Variants in C8orf88 observed in about 807,000 individuals in gnomAD.
C8orf88 encodes chromosome 8 open reading frame 88.
A neutral mutation model predicts 18.4 loss-of-function variants in C8orf88; 14 were observed. The observed-to-expected ratio is 0.76, with a 90% confidence interval of 0.50 to 1.19. The LOEUF is 1.19. Among genes scored for constraint, C8orf88 ranks in the 50% most tolerant of loss-of-function variants. C8orf88 has a pLI of 0.00. For missense variants in C8orf88, 116 were observed against 134.7 expected (o/e 0.86, Z 0.69); for synonymous variants, 45 against 42.9 (o/e 1.05, Z -0.19).
intron 4 of C8orf88, among the ~76,000 whole-genome samples, chr8:90,969,056 G>T (rs1811246472): frequency 6.6e-6 from 1 of 151,626 alleles, no homozygotes; most frequent in South Asian, 2.1e-4. Flanking sequence ...AAAACAATTT[G>T]GCAGTTCCTT....
chr8:90,975,178 C>T (rs1811329768), intron 3 of C8orf88, among the ~76,000 whole-genome samples: 1 of 152,176 alleles, frequency 6.6e-6, no homozygotes, highest in East Asian at 1.9e-4. Flanking sequence ...TAGAAAATGA[C>T]AAGCTCACTT....
At chr8:90,983,989 C>A (rs1811470730) in intron 1 of C8orf88, among the ~76,000 whole-genome samples, 1 of 152,050 alleles carries the variant, frequency 6.6e-6, no homozygotes, top group Admixed American at 6.6e-5. Flanking sequence ...TTCAATTTAC[C>A]ATTTTTCTTA....
intron 1 of C8orf88, among the ~76,000 whole-genome samples, chr8:90,984,432 C>A (rs1189307324): frequency 1.3e-5 from 2 of 152,138 alleles, no homozygotes; most frequent in Admixed American, 1.3e-4. Flanking sequence ...ACCTATGACT[C>A]AAGTGGTGAA....
chr8:90,979,824 G>T (rs909763446), intron 2 of C8orf88, among the ~76,000 whole-genome samples: 10 of 152,092 alleles, frequency 6.6e-5, no homozygotes. Flanking sequence ...ATAGCTTCAT[G>T]GGCAAAAGAA....
At chr8:90,972,140 A>G (rs1294631228) in intron 3 of C8orf88, among the ~76,000 whole-genome samples, 1 of 152,080 alleles carries the variant, frequency 6.6e-6, no homozygotes, top group African/African-American at 2.4e-5. Context: ...ACAAGTTGTA[A>G]GCCATTCCTT....
chr8:90,970,249 G>T (rs929477260), intron 4 of C8orf88, among the ~76,000 whole-genome samples: 15 of 151,794 alleles, frequency 9.9e-5, no homozygotes, highest in African/African-American at 3.6e-4. Flanking sequence ...AGAAACTGAT[G>T]TGAAAGATGT....
At chr8:90,973,599 C>T (rs1287013489) in intron 3 of C8orf88, among the ~76,000 whole-genome samples, 2 of 152,106 alleles carry the variant, frequency 1.3e-5, no homozygotes, top group Admixed American at 1.3e-4. Flanking sequence ...CCTCCCAACT[C>T]AGCCTCCTGA....
At position 90,980,556 on chromosome 8, in the gene C8orf88, A is replaced by G. The variant is rs1411675700; in HGVS notation, c.-26-95T>C. 7 of 525,592 alleles carry G rather than the reference A, an allele frequency of 1.3e-5. No individual in the cohort carries two copies. The African/African-American group carries it at 1.4e-4, about 10-fold the overall frequency. The allele number at this position is 525,592 out of a possible 1,614,324, so 32.6% of individuals were successfully genotyped here. A position where few individuals can be genotyped will look rare whatever the true frequency, so the allele number is the denominator to read the frequency against. On this transcript the variant is annotated intron_variant, in intron 1 of 5. Transcript: ENST00000517562. Reference sequence around the variant, plus strand: ...AACTACATCTTTTTTTAAGATGCCTATTTTACAAGTTAAAGTGGAAAACAC... The same window carrying G: ...AACTACATCTTTTTTTAAGATGCCTGTTTTACAAGTTAAAGTGGAAAACAC...
intron 1 of C8orf88, among the ~76,000 whole-genome samples, chr8:90,981,480 CCCT>C (rs1336675312): frequency 1.4e-4 from 22 of 152,116 alleles, no homozygotes; most frequent in African/African-American, 5.3e-4. Context: ...GAAAATATCC[CCCT>C]GTCTCAACAG....
At chr8:90,977,123 T>G (rs1002697097) in intron 3 of C8orf88, among the ~76,000 whole-genome samples, 3 of 152,104 alleles carry the variant, frequency 2.0e-5, no homozygotes, top group Non-Finnish European at 4.4e-5. Context: ...GGGATAATAA[T>G]TTGCATTGGC....
At chr8:90,963,934 C>A (rs1402591867) in intron 4 of C8orf88, among the ~76,000 whole-genome samples, 2 of 151,350 alleles carry the variant, frequency 1.3e-5, no homozygotes, top group South Asian at 4.2e-4. Flanking sequence ...CAAAATTTAA[C>A]AACAAAAAAA....
At chr8:90,973,067 T>A (rs1811305423) in intron 3 of C8orf88, among the ~76,000 whole-genome samples, 3 of 152,058 alleles carry the variant, frequency 2.0e-5, no homozygotes, top group Non-Finnish European at 4.4e-5. Flanking sequence ...CATTCCAGTA[T>A]CTGTTCTCAG....
intron 1 of C8orf88, 133 bp downstream of exon 1, chr8:90,984,981 C>T (rs1176466799): frequency 6.6e-6 from 1 of 152,278 alleles, no homozygotes; most frequent in Non-Finnish European, 1.5e-5. Context: ...ATTTCCCGAC[C>T]CACCTCAGAG....
At chr8:90,960,562 A>G (rs1392042596) in intron 5 of C8orf88, among the ~76,000 whole-genome samples, 180 bp downstream of exon 5, 3 of 151,346 alleles carry the variant, frequency 2.0e-5, no homozygotes, top group South Asian at 2.1e-4. Context: ...ATTCCATTCT[A>G]TTTTTTGAAC....
chr8:90,960,674 T>C, intron 5 of C8orf88, 68 bp downstream of exon 5: 1 of 857,950 alleles, frequency 1.2e-6, no homozygotes, highest in Non-Finnish European at 1.7e-6. Flanking sequence ...AGGTAGAGTC[T>C]GATGAAAATG....
At chr8:90,962,183 T>C (rs1363161671) in intron 4 of C8orf88, among the ~76,000 whole-genome samples, 1 of 151,552 alleles carries the variant, frequency 6.6e-6, no homozygotes. Flanking sequence ...GGTTCATCCT[T>C]AATCTGGAAC....
intron 4 of C8orf88, among the ~76,000 whole-genome samples, chr8:90,966,427 G>A (rs1447733929): frequency 1.6e-4 from 24 of 149,152 alleles, no homozygotes; most frequent in Non-Finnish European, 3.1e-4. Flanking sequence ...TGGGTGCAGT[G>A]CACCAGCATG....
At chr8:90,970,762 T>A (rs980270042) in intron 4 of C8orf88, among the ~76,000 whole-genome samples, 4 of 151,976 alleles carry the variant, frequency 2.6e-5, no homozygotes, top group African/African-American at 9.7e-5. Flanking sequence ...GAGGATGGCA[T>A]AGCAATAAGA....
At chr8:90,981,730 T>A (rs1455289429) in intron 1 of C8orf88, among the ~76,000 whole-genome samples, 3 of 152,138 alleles carry the variant, frequency 2.0e-5, no homozygotes, top group African/African-American at 7.2e-5. Context: ...GCAACATAGA[T>A]TTATTAAATA....
Sources: allele counts gnomAD v4.1 joint callset (sites outside exome capture counted in the v4.1 genomes callset), GRCh38; gene constraint gnomAD v4.1.1; transcripts MANE v1.5; gene names NCBI Gene and HGNC (gene_info 2026-07-23, HGNC 2026-07-21).